ZDHHC15: variants seen among roughly 807,000 people sequenced by gnomAD.
ZDHHC15 encodes palmitoyltransferase ZDHHC15.
ZDHHC15 carries 19 observed loss-of-function variants against 31.7 expected under a neutral mutation model. The ratio of observed to expected loss-of-function variants is 0.60; its 90% CI spans 0.42 to 0.88. The LOEUF (loss-of-function observed/expected upper bound fraction) is 0.88. ZDHHC15 is among the 40% of genes least tolerant of loss of function. ZDHHC15 has a pLI of 0.00. For missense variants in ZDHHC15, 209 were observed against 251.2 expected, an observed-to-expected ratio of 0.83 and a Z score of 1.14; for synonymous variants, 103 against 90.0, an observed-to-expected ratio of 1.14 and a Z score of -0.82.
At chrX:75,485,565 T>A (rs2084764533) in intron 2 of ZDHHC15, among the ~76,000 whole-genome samples, 1 of 110,943 alleles carries the variant, frequency 9.0e-6, no homozygotes, top group Admixed American at 9.7e-5. Flanking sequence ...AAGTGGAGAC[T>A]GCAAGGCATG....
At chrX:75,455,517 T>C (rs1351707830) in intron 3 of ZDHHC15, among the ~76,000 whole-genome samples, 2 of 111,539 alleles carry the variant, frequency 1.8e-5, no homozygotes, top group Non-Finnish European at 3.8e-5. Context: ...AATAGACAAA[T>C]GGGATGTAAT....
At chrX:75,409,521 A>C (rs2083460266) in intron 10 of ZDHHC15, among the ~76,000 whole-genome samples, 2 of 88,578 alleles carry the variant, frequency 2.3e-5, no homozygotes. Flanking sequence ...AAACACTACA[A>C]AGTGGTGGCT....
intron 2 of ZDHHC15, among the ~76,000 whole-genome samples, chrX:75,497,641 G>A (rs780506530): frequency 8.9e-6 from 1 of 111,817 alleles, no homozygotes; most frequent in Non-Finnish European, 1.9e-5. Flanking sequence ...TGATCAAGTG[G>A]TTTCCTACCA....
At chrX:75,499,215 G>A (rs1387293199) in intron 2 of ZDHHC15, among the ~76,000 whole-genome samples, 1 of 111,380 alleles carries the variant, frequency 9.0e-6, no homozygotes, top group Middle Eastern at 4.7e-3. Flanking sequence ...TCTAGACTTT[G>A]GTTTAGGCAA....
chrX:75,382,782 G>T (rs759470180), intron 10 of ZDHHC15, among the ~76,000 whole-genome samples: 4 of 112,143 alleles, frequency 3.6e-5, no homozygotes, highest in Admixed American at 9.5e-5. Flanking sequence ...TTTGGTGAAA[G>T]ATATCAGGTT....
chrX:75,463,931 C>A (rs2084362326), intron 3 of ZDHHC15, among the ~76,000 whole-genome samples: 2 of 111,969 alleles, frequency 1.8e-5, no homozygotes, highest in African/African-American at 6.5e-5. Context: ...CATCCCATTA[C>A]TGGGTATATA....
At chrX:75,498,315 G>A (rs2085039120) in intron 2 of ZDHHC15, among the ~76,000 whole-genome samples, 1 of 110,547 alleles carries the variant, frequency 9.0e-6, no homozygotes, top group Non-Finnish European at 1.9e-5. Flanking sequence ...CTGGTAAAGA[G>A]AGAAAAAAAA....
chrX:75,467,086 T>C (rs1313532084), intron 3 of ZDHHC15, among the ~76,000 whole-genome samples: 3 of 112,273 alleles, frequency 2.7e-5, no homozygotes, highest in Non-Finnish European at 3.8e-5. Context: ...AGTCAATAAA[T>C]TGATATTATA....
intron 11 of ZDHHC15, among the ~76,000 whole-genome samples, chrX:75,376,329 C>A (rs1446977440): frequency 9.7e-6 from 1 of 102,974 alleles, no homozygotes; most frequent in East Asian, 3.0e-4. Flanking sequence ...GCATTGTTTG[C>A]AAATATTTTC....
chrX:75,374,966 T>C (rs1449484815), intron 11 of ZDHHC15, among the ~76,000 whole-genome samples: 1 of 111,414 alleles, frequency 9.0e-6, no homozygotes, highest in African/African-American at 3.3e-5. Flanking sequence ...ATATATTCAT[T>C]ATTTTGATTG....
Position 75,386,502 on chromosome X carries a change from G to C in ZDHHC15, c.968-7304C>G, listed in dbSNP as rs111632672. ...TTGCTAGATTTTTTTTTGAGACAGGGTCTCACGCTGTTGCCCAGGCTGGAG... is the reference window on the plus strand; with the variant it reads ...TTGCTAGATTTTTTTTTGAGACAGGCTCTCACGCTGTTGCCCAGGCTGGAG... On this transcript the variant is annotated intron_variant, in intron 10 of 11. Transcript: ENST00000373367. Among the ~76,000 whole-genome samples, 875 of 111,463 alleles carry C rather than the reference G, an allele frequency of 7.9e-3. 17 individuals are homozygous for C. The highest frequency in any genetic ancestry group is 0.027 in the African/African-American group (823 of 30,693).
At chrX:75,411,816 T>A (rs939689923) in intron 10 of ZDHHC15, among the ~76,000 whole-genome samples, 1 of 111,814 alleles carries the variant, frequency 8.9e-6, no homozygotes, top group African/African-American at 3.2e-5. Flanking sequence ...AATTTTGAAA[T>A]CTTAAAAAAA....
chrX:75,457,320 T>C (rs2084239106), intron 3 of ZDHHC15, among the ~76,000 whole-genome samples: 1 of 110,641 alleles, frequency 9.0e-6, no homozygotes, highest in South Asian at 3.8e-4. Flanking sequence ...CTTTGGTCCA[T>C]TAAAAAAAGA....
chrX:75,518,338 C>T (rs1014906024), intron 1 of ZDHHC15, among the ~76,000 whole-genome samples: 4 of 110,255 alleles, frequency 3.6e-5, no homozygotes, highest in Non-Finnish European at 5.7e-5. Context: ...AGACATTTTC[C>T]CAAAGAAGAT....
Position 75,381,826 on chromosome X carries a change from A to G in ZDHHC15, c.968-2628T>C, listed in dbSNP as rs776283320. On this transcript the variant is annotated intron_variant, in intron 10 of 11. Coordinates refer to ENST00000373367, the MANE Select transcript of ZDHHC15 (RefSeq NM_144969.3). Reference sequence around the variant, plus strand: ...TCCCATCCTAATAACACCTAGCTTAAGTCCTGCCTCATCTTCAAAACTTTC... The same window carrying G: ...TCCCATCCTAATAACACCTAGCTTAGGTCCTGCCTCATCTTCAAAACTTTC... Among the ~76,000 whole-genome samples the G allele has an allele frequency of 2.7e-5, 3 of 111,052 alleles. No individual in the cohort carries two copies. The South Asian group carries it at 1.2e-3, about 43-fold the overall frequency.
chrX:75,492,012 T>C (rs186342019), intron 2 of ZDHHC15, among the ~76,000 whole-genome samples: 1 of 110,335 alleles, frequency 9.1e-6, no homozygotes, highest in African/African-American at 3.3e-5. Flanking sequence ...GGATAAAGAG[T>C]CAAGACCCAT....
intron 2 of ZDHHC15, among the ~76,000 whole-genome samples, chrX:75,495,385 G>C (rs1484667356): frequency 9.0e-6 from 1 of 111,339 alleles, no homozygotes; most frequent in Non-Finnish European, 1.9e-5. Context: ...ATTCCTCAGG[G>C]ATCTAGAACT....
rs754652426 is a variant in ZDHHC15, at chrX:75,407,254, C to T, written c.967+9833G>A. Among the ~76,000 whole-genome samples, 232 of 110,982 alleles carry T rather than the reference C, an allele frequency of 2.1e-3. 1 individual carries two copies. Among genetic ancestry groups the T allele is most frequent in the Admixed American group, 3.9e-3 (42 of 10,656 alleles). On this transcript the variant is annotated intron_variant, in intron 10 of 11. Coordinates refer to ENST00000373367, the MANE Select transcript of ZDHHC15 (RefSeq NM_144969.3). ...CTGGGAGGTGAGGAGCGTCTCTGCC[C>T]AGCCGCCCCGTCTGAGAAGTGAGGA...
At chrX:75,490,190 C>T (rs1260675327) in intron 2 of ZDHHC15, among the ~76,000 whole-genome samples, 2 of 111,755 alleles carry the variant, frequency 1.8e-5, no homozygotes, top group Non-Finnish European at 3.8e-5. Context: ...AGGAGAACTT[C>T]CCCAACCTAG....
Sources: allele counts gnomAD v4.1 joint callset (sites outside exome capture counted in the v4.1 genomes callset), GRCh38; gene constraint gnomAD v4.1.1; transcripts MANE v1.5; gene names NCBI Gene and HGNC (gene_info 2026-07-23, HGNC 2026-07-21).